Variants in STRN3 observed in about 807,000 individuals in gnomAD.
The protein encoded by STRN3 is striatin-3.
A neutral mutation model predicts 95.6 loss-of-function variants in STRN3; 29 were observed. The observed-to-expected ratio is 0.30, with a 90% confidence interval of 0.23 to 0.41. The LOEUF is 0.41. STRN3 is among the 10% of genes least tolerant of loss of function. The pLI is 1.00. For synonymous variants in STRN3, 331 were observed against 357.6 expected, an observed-to-expected ratio of 0.93 and a Z score of 0.84; for missense variants, 890 against 972.1, an observed-to-expected ratio of 0.92 and a Z score of 1.12.
chr14:30,958,846 C>T (rs1880045619), intron 1 of STRN3, among the ~76,000 whole-genome samples: 3 of 152,086 alleles, frequency 2.0e-5, no homozygotes, highest in Admixed American at 2.0e-4. Flanking sequence ...GTTTTCATTT[C>T]CTTTTTTTGA....
chr14:30,911,186 C>T, intron 12 of STRN3, 24 bp from the exon 13 acceptor site: 1 of 1,593,514 alleles, frequency 6.3e-7, no homozygotes, highest in Non-Finnish European at 8.5e-7. Context: ...AGAGGAAAAA[C>T]AAATTACTGA....
chr14:30,961,849 C>T (rs1159124347), intron 1 of STRN3, among the ~76,000 whole-genome samples: 1 of 152,206 alleles, frequency 6.6e-6, no homozygotes, highest in Non-Finnish European at 1.5e-5. Context: ...TCAAGTGGTC[C>T]TCTTGCCTTA....
intron 1 of STRN3, among the ~76,000 whole-genome samples, chr14:31,012,613 G>A (rs1290529462): frequency 6.6e-6 from 1 of 152,204 alleles, no homozygotes; most frequent in Non-Finnish European, 1.5e-5. Context: ...AGGATGTAGG[G>A]TCAGGCGCGG....
chr14:30,896,808 T>C (rs1896165618), intron 16 of STRN3, among the ~76,000 whole-genome samples: 1 of 152,158 alleles, frequency 6.6e-6, no homozygotes, highest in African/African-American at 2.4e-5. Context: ...ACAAAAACAC[T>C]GCTCTGGAAA....
At position 30,902,268 on chromosome 14, in the gene STRN3, A is replaced by G. The variant is rs1471399427; in HGVS notation, c.2137+268T>C. On this transcript the variant is annotated intron_variant, in intron 16 of 17. Transcript: ENST00000357479. ...TTCCATCATACTTATTCATAACAGA[A>G]TATGAGGGAAAAATTTCAAATGGAA... Among the ~76,000 whole-genome samples the G allele has an allele frequency of 3.3e-5, 5 of 151,732 alleles. No individual in the cohort carries two copies. In the East Asian group the frequency reaches 5.8e-4, roughly 18 times the overall value.
At chr14:30,983,418 G>A (rs1450258161) in intron 1 of STRN3, among the ~76,000 whole-genome samples, 1 of 152,198 alleles carries the variant, frequency 6.6e-6, no homozygotes, top group Non-Finnish European at 1.5e-5. Context: ...GGTGGCGTAT[G>A]CCTGTAATCC....
At chr14:31,002,470 CAAAAAAAA>C (rs59491889) in intron 1 of STRN3, among the ~76,000 whole-genome samples, 1 of 81,616 alleles carries the variant, frequency 1.2e-5, no homozygotes, top group Non-Finnish European at 2.4e-5. Flanking sequence ...GACTCTGTCT[CAAAAAAAA>C]AAAAAAAAAA....
At chr14:30,985,123 C>T (rs11625390) in intron 1 of STRN3, among the ~76,000 whole-genome samples, 13,586 of 150,460 alleles carry the variant, frequency 0.09, 870 homozygotes, top group South Asian at 0.29. Context: ...TCAAGACCAG[C>T]CTGGCCAATA....
chr14:30,963,153 C>T (rs1880295715), intron 1 of STRN3, among the ~76,000 whole-genome samples: 2 of 152,072 alleles, frequency 1.3e-5, no homozygotes, highest in Admixed American at 1.3e-4. Context: ...ATTATCAAAA[C>T]GTATGAAGCA....
At chr14:30,952,116 T>C (rs371912904) in intron 3 of STRN3, among the ~76,000 whole-genome samples, 2,785 of 82,280 alleles carry the variant, frequency 0.034, 89 homozygotes, top group African/African-American at 0.092. Context: ...AGACCCTGTC[T>C]TAAACAACAA....
chr14:30,955,448 G>A (rs554716084), intron 3 of STRN3, among the ~76,000 whole-genome samples, 172 bp downstream of exon 3: 8 of 152,038 alleles, frequency 5.3e-5, no homozygotes, highest in African/African-American at 1.9e-4. Context: ...TCAGGATTAA[G>A]ATGTATATGA....
At chr14:30,919,164 C>T (rs567194513) in intron 8 of STRN3, 58 bp from the exon 9 acceptor site, 23 of 1,442,840 alleles carry the variant, frequency 1.6e-5, no homozygotes, top group Middle Eastern at 4.1e-4. Context: ...GACTTTCCGG[C>T]AGCCTTTAAA....
intron 7 of STRN3, among the ~76,000 whole-genome samples, chr14:30,931,024 GTA>G (rs1253084529): frequency 6.6e-6 from 1 of 152,092 alleles, no homozygotes; most frequent in Non-Finnish European, 1.5e-5. Context: ...AAAGACCTGT[GTA>G]GAGAGAATAA....
At chr14:30,935,623 T>C (rs1878779762) in intron 6 of STRN3, among the ~76,000 whole-genome samples, 1 of 152,216 alleles carries the variant, frequency 6.6e-6, no homozygotes. Context: ...ATTCTGATGT[T>C]ATCTTGAATT....
chr14:30,918,423 C>T (rs1215541016), intron 9 of STRN3, among the ~76,000 whole-genome samples: 2 of 151,678 alleles, frequency 1.3e-5, no homozygotes, highest in African/African-American at 2.4e-5. Flanking sequence ...GCAGGAGACT[C>T]GCTTGACCCC....
At chr14:30,975,005 G>C (rs962566780) in intron 1 of STRN3, among the ~76,000 whole-genome samples, 1 of 150,714 alleles carries the variant, frequency 6.6e-6, no homozygotes, top group South Asian at 2.1e-4. Flanking sequence ...TGCGCTGCCT[G>C]TGAAGCAATA....
chr14:30,937,223 A>T (rs1335187044), intron 5 of STRN3, among the ~76,000 whole-genome samples: 1 of 152,118 alleles, frequency 6.6e-6, no homozygotes, highest in South Asian at 2.1e-4. Context: ...CTGAGATAGG[A>T]GGATTATTTG....
chr14:30,941,735 C>T (rs1381817899), intron 5 of STRN3, among the ~76,000 whole-genome samples: 1 of 152,154 alleles, frequency 6.6e-6, no homozygotes, highest in Non-Finnish European at 1.5e-5. Context: ...AAGCGATTCT[C>T]ATGCCTCAGC....
chr14:31,007,995 C>T (rs1490606044), intron 1 of STRN3, among the ~76,000 whole-genome samples: 1 of 151,878 alleles, frequency 6.6e-6, no homozygotes, highest in Admixed American at 6.6e-5. Context: ...GAGTTCAAGA[C>T]CAGCCTGGCC....
Sources: gnomAD v4.1 joint callset for allele counts (sites outside exome capture counted in the v4.1 genomes callset) on GRCh38, gnomAD v4.1.1 for gene constraint, MANE v1.5 for transcripts, NCBI Gene and HGNC (gene_info 2026-07-23, HGNC 2026-07-21) for gene names.